Variants in DNASE2 observed in about 807,000 individuals in gnomAD.
DNASE2 encodes the protein deoxyribonuclease 2, lysosomal, also known as deoxyribonuclease-2-alpha.
Under a neutral mutation model 29.8 loss-of-function variants are expected in DNASE2, and 26 were observed. That is an observed-to-expected ratio of 0.87 (90% CI 0.64 to 1.21). The LOEUF is 1.21. DNASE2 is among the 50% of genes most tolerant of loss of function. The probability of loss-of-function intolerance (pLI) is 0.00; values close to 1 mark genes in which losing one functional copy is unlikely to be tolerated. For missense variants in DNASE2, 415 were observed against 455.6 expected, an observed-to-expected ratio of 0.91 and a Z score of 0.81; for synonymous variants, 186 against 193.5, an observed-to-expected ratio of 0.96 and a Z score of 0.32.
Position 12,878,807 on chromosome 19 carries a change from C to T in DNASE2, c.374G>A (p.Gly125Asp), listed in dbSNP as rs781046249. The T allele has an allele frequency of 1.2e-6, 2 of 1,613,566 alleles. No individual in the cohort carries two copies. Among genetic ancestry groups the T allele is most frequent in the Non-Finnish European group, 1.7e-6 (2 of 1,179,910 alleles). The change falls in exon 4 of 6, where the codon GGC becomes GAC. Residue 125 changes from glycine (G) to aspartate (D), a missense_variant. Coordinates refer to ENST00000222219, the MANE Select transcript of DNASE2 (RefSeq NM_001375.3). ...KGVLLLDHDGGFWLVHSVPNF... is the reference protein window; with the variant it reads ...KGVLLLDHDGDFWLVHSVPNF... ...AGGTACACTGTGGACCAGCCAGAAG[C>T]CCCCATCGTGGTCAAGGAGCAGGAC...
Position 12,881,026 on chromosome 19 carries a change from C to A in DNASE2, c.213G>T (p.Pro71=), listed in dbSNP as rs994362948. The part of the protein sequence containing the change: ...WRDGRALINS[P]EGAVGRSLQP... The stretch of plus-strand genomic sequence containing the variant: ...GCAGGCTTCGGCCCACGGCCCCCTC[C>A]GGGCTGTTGATGAGTGCCCTGCCGT... The change falls in exon 2 of 6, where the codon CCG becomes CCT. Residue 71 remains proline (P), a synonymous_variant. Coordinates refer to ENST00000222219, the MANE Select transcript of DNASE2 (RefSeq NM_001375.3). 1.2e-6 allele frequency: 2 copies of A among 1,613,862 alleles called. No individual in the cohort carries two copies. Among genetic ancestry groups the A allele is most frequent in the Non-Finnish European group, 1.7e-6 (2 of 1,180,020 alleles).
chr19:12,875,726 G>A lies in DNASE2; in HGVS notation c.*264C>T, dbSNP rs1970311472. 7.7e-6 allele frequency: 2 copies of A among 259,794 alleles called. No homozygotes were observed. Among genetic ancestry groups the A allele is most frequent in the Non-Finnish European group, 1.5e-5 (2 of 135,006 alleles). The allele number at this position is 259,794 out of a possible 1,614,324, so 16.1% of individuals were successfully genotyped here. A position where few individuals can be genotyped will look rare whatever the true frequency, so the allele number is the denominator to read the frequency against. ...GCCCCCCCTTTTTTTTTGAAACAGAGTCTTGCTATGTGACCCAGGTTGGCG... is the reference window on the plus strand; with the variant it reads ...GCCCCCCCTTTTTTTTTGAAACAGAATCTTGCTATGTGACCCAGGTTGGCG... On this transcript the variant is annotated 3_prime_UTR_variant, in exon 6 of 6. Transcript: ENST00000222219.
Position 12,878,469 on chromosome 19 carries a change from G to C in DNASE2, c.622C>G (p.Gln208Glu). ...ENVVKGHHVS[Q>E]EPWNSSITLT... ...GTGATGCTGCTGTTCCAGGGTTCTT[G>C]GCTAACGTGGTGGCCCTTGACCACA... The change falls in exon 5 of 6, where the codon CAA (glutamine) becomes GAA (glutamate). Residue 208 changes from glutamine (Q) to glutamate (E), a missense_variant. Transcript: ENST00000222219. 6.2e-7 allele frequency: 1 copy of C among 1,614,004 alleles called. No homozygotes were observed. Among genetic ancestry groups the C allele is most frequent in the East Asian group, 2.2e-5 (1 of 44,884 alleles).
rs1184399232 is a variant in DNASE2, at chr19:12,881,403, T to C, written c.-28A>G. On this transcript the variant is annotated 5_prime_UTR_variant, in exon 1 of 6. Transcript: ENST00000222219. ...CTGCTATGGGGCTGAGATCCAGGAA[T>C]CTGTGTCGGGACTGCGGGGCGCTGG... The C allele has an allele frequency of 1.9e-6, 3 of 1,549,550 alleles. No homozygotes were observed. Among genetic ancestry groups the C allele is most frequent in the South Asian group, 1.2e-5 (1 of 84,114 alleles).
At chr19:12,881,250 G>A (rs1410727752) in intron 1 of DNASE2, 40 bp downstream of exon 1, 6 of 1,595,818 alleles carry the variant, frequency 3.8e-6, no homozygotes, top group Non-Finnish European at 5.1e-6. Context: ...GACCGCAGCC[G>A]GACCCCGGGG....
rs1356700342 is a variant in DNASE2 at position 12,875,756 on chromosome 19, C to G, written c.*234G>C. The stretch of plus-strand genomic sequence containing the variant: ...GCTATGTGACCCAGGTTGGCGTAAT[C>G]ATAGTTCACTGTGACCATGATCTCC... On this transcript the variant is annotated 3_prime_UTR_variant, in exon 6 of 6. Coordinates refer to ENST00000222219, the MANE Select transcript of DNASE2 (RefSeq NM_001375.3). 3.0e-6 allele frequency: 1 copy of G among 330,930 alleles called. No individual in the cohort carries two copies. The highest frequency in any genetic ancestry group is 5.6e-6 in the Non-Finnish European group (1 of 177,906). 20.5% of individuals were successfully genotyped at this position (330,930 alleles called of 1,614,324 possible).
chr19:12,878,189 T>C (rs912403971), intron 5 of DNASE2, 193 bp downstream of exon 5: 10 of 683,642 alleles, frequency 1.5e-5, no homozygotes, highest in Non-Finnish European at 2.3e-5. Context: ...TTCAGATGAG[T>C]AGACCAAGGC....
At position 12,876,181 on chromosome 19, in the gene DNASE2, A is replaced by G. The variant is rs1970318327; in HGVS notation, c.892T>C (p.Trp298Arg). 6.2e-7 allele frequency: 1 copy of G among 1,614,156 alleles called. No individual in the cohort carries two copies. Among genetic ancestry groups the G allele is most frequent in the Non-Finnish European group, 8.5e-7 (1 of 1,180,022 alleles). Reference sequence around the variant, plus strand: ...CAGGGCCCTTTTGGGGACACGCACCATTTGGAGTGGTCCTCTGTGCTGTTG... The same window carrying G: ...CAGGGCCCTTTTGGGGACACGCACCGTTTGGAGTGGTCCTCTGTGCTGTTG... Reference protein sequence around the residue: ...SFNSTEDHSKWCVSPKGPWTC... With the variant: ...SFNSTEDHSKRCVSPKGPWTC... Residue 298 changes from tryptophan (W) to arginine (R), a missense_variant, in exon 6 of 6, where the codon TGG (tryptophan) becomes CGG (arginine). Trp to Arg is a moderately radical substitution (Grantham distance 101). Transcript: ENST00000222219.
At position 12,876,375 on chromosome 19, in the gene DNASE2, GGA is replaced by G. The variant is rs1330211401; in HGVS notation, c.710-14_710-13del. 1.2e-6 allele frequency: 2 copies of G among 1,609,944 alleles called. No individual in the cohort carries two copies. The highest frequency in any genetic ancestry group is 1.1e-5 in the South Asian group (1 of 91,028). On this transcript the variant is annotated splice_polypyrimidine_tract_variant and intron_variant, in intron 5 of 5. Transcript: ENST00000222219. ...GCCGGAGTACAGGTCTGCAAAGGAT[GGA>G]GAGAGGGCACAGGTAGGGTCAGGGC...
rs760522934 is a variant in DNASE2 at position 12,878,506 on chromosome 19, G to A, written c.585C>T (p.Pro195=). 3.3e-5 allele frequency: 54 copies of A among 1,613,952 alleles called. No individual in the cohort carries two copies. The highest frequency in any genetic ancestry group is 4.1e-5 in the Non-Finnish European group (48 of 1,180,036). The change falls in exon 5 of 6, where the codon CCC becomes CCT. Residue 195 remains proline, a synonymous_variant. Transcript: ENST00000222219. ...QLEGIFAQEF[P]DLENVVKGHH... ...GGCCCTTGACCACATTCTCCAAGTC[G>A]GGGAATTCCTGGGCAAAGATCCCTT...
rs1283269082 is a variant in DNASE2 at position 12,881,400 on chromosome 19, G to A, written c.-25C>T. The A allele has an allele frequency of 6.4e-7, 1 of 1,550,406 alleles. No individual in the cohort carries two copies. Reference sequence around the variant, plus strand: ...TAGCTGCTATGGGGCTGAGATCCAGGAATCTGTGTCGGGACTGCGGGGCGC... The same window carrying A: ...TAGCTGCTATGGGGCTGAGATCCAGAAATCTGTGTCGGGACTGCGGGGCGC... On this transcript the variant is annotated 5_prime_UTR_variant, in exon 1 of 6. Coordinates refer to ENST00000222219, the MANE Select transcript of DNASE2 (RefSeq NM_001375.3).
chr19:12,881,444 AG>A lies in DNASE2; in HGVS notation c.-70del. The A allele has an allele frequency of 2.6e-6, 4 of 1,538,976 alleles. No homozygotes were observed. In the South Asian group the frequency reaches 4.8e-5, roughly 18 times the overall value. On this transcript the variant is annotated 5_prime_UTR_variant, in exon 1 of 6. Coordinates refer to ENST00000222219, the MANE Select transcript of DNASE2 (RefSeq NM_001375.3). ...GGGGCGCTGGGTTACATCAGAGGCCAGGACTGGCACCTGGCGCCTTTCACTT... is the reference window on the plus strand; with the variant it reads ...GGGGCGCTGGGTTACATCAGAGGCCAGACTGGCACCTGGCGCCTTTCACTT...
intron 5 of DNASE2, chr19:12,878,176 T>C (rs1344709795): frequency 1.6e-6 from 1 of 638,574 alleles, no homozygotes; most frequent in South Asian, 1.8e-5. Context: ...AGTATCCCCA[T>C]TTTTCAGATG....
At position 12,881,100 on chromosome 19, in the gene DNASE2, T is replaced by C. The variant is rs751312027; in HGVS notation, c.139A>G (p.Arg47Gly). 2 of 1,612,070 alleles carry C rather than the reference T, an allele frequency of 1.2e-6. No homozygotes were observed. Among genetic ancestry groups the C allele is most frequent in the Non-Finnish European group, 1.7e-6 (2 of 1,180,012 alleles). ...ALRGSGEAAQ[R>G]GLQYKYLDES... is the part of the protein sequence containing the mutation. ...TCCAGATACTTGTACTGCAGCCCTC[T>C]CTGCGCCGCCTCCCCGGACCCTCTA... Residue 47 changes from arginine (R) to glycine (G), a missense_variant, in exon 2 of 6, where the codon AGA becomes GGA. Coordinates refer to ENST00000222219, the MANE Select transcript of DNASE2 (RefSeq NM_001375.3).
intron 3 of DNASE2, among the ~76,000 whole-genome samples, chr19:12,880,128 C>T (rs1335156614): frequency 7.3e-6 from 1 of 136,404 alleles, no homozygotes; most frequent in African/African-American, 2.7e-5. Flanking sequence ...AAAAAAAAGC[C>T]AGGCGTGGTG....
chr19:12,878,546 T>C lies in DNASE2; in HGVS notation c.545A>G (p.Tyr182Cys), dbSNP rs772650354. 3.1e-6 allele frequency: 5 copies of C among 1,614,118 alleles called. No homozygotes were observed. The highest frequency in any genetic ancestry group is 1.7e-5 in the Admixed American group (1 of 59,984). Residue 182 changes from tyrosine (Y) to cysteine (C), a missense_variant, in exon 5 of 6, where the codon TAT becomes TGT. Physicochemically the swap from Tyr to Cys is radical, Grantham distance 194. Transcript: ENST00000222219. ...KQLTYTYPWV[Y>C]NYQLEGIFAQ... Reference sequence around the variant, plus strand: ...AAAGATCCCTTCCAGCTGGTAGTTATAGACCCAGGGGTAGGTGTAGGTCAG... The same window carrying C: ...AAAGATCCCTTCCAGCTGGTAGTTACAGACCCAGGGGTAGGTGTAGGTCAG...
chr19:12,880,720 C>A (rs758581168), intron 3 of DNASE2, 82 bp downstream of exon 3: 122 of 1,574,212 alleles, frequency 7.7e-5, no homozygotes, highest in Non-Finnish European at 1.0e-4. Flanking sequence ...GTGCAGATCT[C>A]CCCGACCACC....
At chr19:12,877,308 G>A (rs1970332605) in intron 5 of DNASE2, among the ~76,000 whole-genome samples, 1 of 151,388 alleles carries the variant, frequency 6.6e-6, no homozygotes, top group Admixed American at 6.6e-5. Context: ...GCAGGATCAT[G>A]ACTCACTTGC....
At chr19:12,880,739 G>T in intron 3 of DNASE2, 63 bp downstream of exon 3, 1 of 1,604,598 alleles carries the variant, frequency 6.2e-7, no homozygotes, top group Non-Finnish European at 8.5e-7. Context: ...CCCCATGCAC[G>T]TCAGGGGTTA....
Sources: gnomAD v4.1 joint callset for allele counts (sites outside exome capture counted in the v4.1 genomes callset) on GRCh38, gnomAD v4.1.1 for gene constraint, MANE v1.5 for transcripts, NCBI Gene and HGNC (gene_info 2026-07-23, HGNC 2026-07-21) for gene names.